CEACAM21: variants seen among roughly 807,000 people sequenced by gnomAD.
CEACAM21 encodes CEA cell adhesion molecule 21, also known as cell adhesion molecule CEACAM21.
A neutral mutation model predicts 33.2 loss-of-function variants in CEACAM21; 38 were observed. The ratio of observed to expected loss-of-function variants is 1.14; its 90% CI spans 0.88 to 1.50. The LOEUF is 1.50. CEACAM21 is among the 40% of genes most tolerant of loss of function. The probability of loss-of-function intolerance (pLI) is 0.00; values close to 1 mark genes in which losing one functional copy is unlikely to be tolerated. For synonymous variants in CEACAM21, 156 were observed against 143.0 expected (o/e 1.09, Z -0.65); for missense variants, 385 against 364.6 (o/e 1.06, Z -0.46).
At chr19:41,580,311 G>T (rs1431158925) in intron 3 of CEACAM21, among the ~76,000 whole-genome samples, 2 of 129,268 alleles carry the variant, frequency 1.5e-5, no homozygotes, top group Non-Finnish European at 3.1e-5. Flanking sequence ...CAAATGTGAT[G>T]GGGGGGGGTT....
chr19:41,574,147 C>A (rs148478323), upstream of CEACAM21, among the ~76,000 whole-genome samples: 1 of 152,240 alleles, frequency 6.6e-6, no homozygotes, highest in East Asian at 1.9e-4. Flanking sequence ...TAACCACATG[C>A]GAGATAGTGT....
chr19:41,584,539 C>T (rs1158340179), intron 4 of CEACAM21, 96 bp downstream of exon 4: 1 of 1,110,862 alleles, frequency 9.0e-7, no homozygotes. Flanking sequence ...CAGGCTCTCC[C>T]CAGCCTCCCG....
At chr19:41,558,165 GT>G (rs782690533) in intron 1 of CEACAM21, among the ~76,000 whole-genome samples, 3 of 151,996 alleles carry the variant, frequency 2.0e-5, no homozygotes, top group Admixed American at 6.5e-5. Context: ...GCTAAGTTTC[GT>G]GGAAAACAGA....
chr19:41,583,573 G>A (rs782011342), intron 3 of CEACAM21, among the ~76,000 whole-genome samples: 32 of 152,178 alleles, frequency 2.1e-4, no homozygotes, highest in Non-Finnish European at 2.1e-4. Context: ...AATTCCACAT[G>A]GCTGGAGAGG....
chr19:41,572,449 C>T (rs540827480), upstream of CEACAM21, among the ~76,000 whole-genome samples: 6 of 152,124 alleles, frequency 3.9e-5, no homozygotes, highest in African/African-American at 1.2e-4. Flanking sequence ...AAGGCAGGAG[C>T]GATGGGAAGC....
At chr19:41,584,720 G>T (rs782289171) in intron 4 of CEACAM21, among the ~76,000 whole-genome samples, 1 of 152,152 alleles carries the variant, frequency 6.6e-6, no homozygotes, top group East Asian at 1.9e-4. Flanking sequence ...CCTGGAGCAG[G>T]GGGGAGCGGT....
chr19:41,586,060 C>T (rs2070713991), intron 6 of CEACAM21, 189 bp downstream of exon 6: 2 of 636,354 alleles, frequency 3.1e-6, no homozygotes, highest in Middle Eastern at 3.6e-4. Context: ...GCTAACCCCA[C>T]CCTGGGACCC....
intron 1 of CEACAM21, among the ~76,000 whole-genome samples, chr19:41,563,519 T>C (rs1390635022): frequency 2.0e-5 from 3 of 152,198 alleles, no homozygotes; most frequent in African/African-American, 7.2e-5. Flanking sequence ...AGGTCGCACA[T>C]GCAGAAGAGA....
chr19:41,573,370 C>A (rs1352245405), upstream of CEACAM21, among the ~76,000 whole-genome samples: 1 of 152,154 alleles, frequency 6.6e-6, no homozygotes, highest in Non-Finnish European at 1.5e-5. Flanking sequence ...CCTGCTGGCC[C>A]TTCTGACCCT....
At chr19:41,562,044 G>A (rs868990435) in intron 1 of CEACAM21, among the ~76,000 whole-genome samples, 1 of 152,090 alleles carries the variant, frequency 6.6e-6, no homozygotes, top group Non-Finnish European at 1.5e-5. Flanking sequence ...TCAGGAGTTC[G>A]AGACCAGCCT....
At chr19:41,582,646 G>A (rs563507657) in intron 3 of CEACAM21, among the ~76,000 whole-genome samples, 253 of 152,358 alleles carry the variant, frequency 1.7e-3, no homozygotes, top group African/African-American at 5.8e-3. Context: ...AGCTGCCAAG[G>A]TTTGGGGCTT....
chr19:41,577,789 C>A (rs782215757), intron 2 of CEACAM21, among the ~76,000 whole-genome samples: 1 of 152,194 alleles, frequency 6.6e-6, no homozygotes, highest in East Asian at 1.9e-4. Flanking sequence ...TAGTCTGATG[C>A]GGGAGATGCA....
chr19:41,582,133 C>T lies in CEACAM21; in HGVS notation c.701-2214C>T, dbSNP rs147398987. On this transcript the variant is annotated intron_variant, in intron 3 of 6. Transcript: ENST00000401445. Reference sequence around the variant, plus strand: ...GGAGAAACTGGCCAAAACAAAGGGGCTACAGGCCCCATGCAAGCCCAAAAT... The same window carrying T: ...GGAGAAACTGGCCAAAACAAAGGGGTTACAGGCCCCATGCAAGCCCAAAAT... Among the ~76,000 whole-genome samples, 916 of 152,340 alleles carry T rather than the reference C, an allele frequency of 6.0e-3. 11 individuals carry two copies. The highest frequency in any genetic ancestry group is 0.022 in the African/African-American group (901 of 41,582).
At chr19:41,570,923 A>G (rs2042567375) in intron 2 of CEACAM21, among the ~76,000 whole-genome samples, 4 of 152,010 alleles carry the variant, frequency 2.6e-5, no homozygotes, top group African/African-American at 9.7e-5. Context: ...AGGCGGGTGA[A>G]GTGGGGAAGT....
upstream of CEACAM21, among the ~76,000 whole-genome samples, chr19:41,571,706 G>C (rs563748698): frequency 6.6e-6 from 1 of 152,224 alleles, no homozygotes; most frequent in African/African-American, 2.4e-5. Context: ...TGCAATCAGT[G>C]TCTGGACAGT....
intron 2 of CEACAM21, among the ~76,000 whole-genome samples, chr19:41,566,374 C>T (rs533621119): frequency 1.1e-4 from 16 of 152,252 alleles, no homozygotes; most frequent in Admixed American, 5.2e-4. Context: ...ATCAATTTTA[C>T]AGAATACGCA....
At chr19:41,562,331 C>T (rs997861938) in intron 1 of CEACAM21, among the ~76,000 whole-genome samples, 7 of 150,304 alleles carry the variant, frequency 4.7e-5, no homozygotes, top group Non-Finnish European at 8.9e-5. Flanking sequence ...AAGAAGAAGA[C>T]ACAAACTGGG....
upstream of CEACAM21, among the ~76,000 whole-genome samples, chr19:41,572,238 C>T (rs2042659711): frequency 6.6e-6 from 1 of 152,160 alleles, no homozygotes; most frequent in South Asian, 2.1e-4. Context: ...AAAGACCATT[C>T]TGGTATATTG....
chr19:41,577,435 A>T lies in CEACAM21; in HGVS notation c.300A>T (p.Thr100=). Reference sequence around the variant, plus strand: ...GGCCTGCATACAGCGGTCGAGAGACAATATCACCCAGTGGAGATCTGCATT... The same window carrying T: ...GGCCTGCATACAGCGGTCGAGAGACTATATCACCCAGTGGAGATCTGCATT... The part of the protein sequence containing the change: ...TPGPAYSGRE[T]ISPSGDLHFQ... Residue 100 remains threonine, a synonymous_variant, in exon 2 of 7, where the codon ACA becomes ACT. Coordinates refer to ENST00000401445, the MANE Select transcript of CEACAM21 (RefSeq NM_001098506.4). 1 of 1,614,174 alleles carries T rather than the reference A, an allele frequency of 6.2e-7. No individual in the cohort carries two copies. The highest frequency in any genetic ancestry group is 8.5e-7 in the Non-Finnish European group (1 of 1,180,036).
Sources: allele counts gnomAD v4.1 joint callset (sites outside exome capture counted in the v4.1 genomes callset), GRCh38; gene constraint gnomAD v4.1.1; transcripts MANE v1.5; gene names NCBI Gene and HGNC (gene_info 2026-07-23, HGNC 2026-07-21).